The following GLP2R variants were observed in gnomAD, a reference collection of about 807,000 sequenced individuals.
GLP2R encodes the protein glucagon like peptide 2 receptor.
In GLP2R, 59 loss-of-function variants were observed where a neutral mutation model predicts 68.2. The ratio of observed to expected loss-of-function variants is 0.87; its 90% CI spans 0.70 to 1.07. The LOEUF is 1.07. Ranked by LOEUF, GLP2R falls within the 50% of genes least tolerant of loss-of-function variation. The pLI is 0.00. For missense variants in GLP2R, 548 were observed against 677.4 expected, an observed-to-expected ratio of 0.81 and a Z score of 2.12; for synonymous variants, 270 against 265.4, an observed-to-expected ratio of 1.02 and a Z score of -0.17.
At chr17:9,864,563 C>G (rs912229519) in intron 9 of GLP2R, among the ~76,000 whole-genome samples, 1 of 151,956 alleles carries the variant, frequency 6.6e-6, no homozygotes, top group Non-Finnish European at 1.5e-5. Context: ...TGCTTTGTCA[C>G]CCAGGCTGGA....
chr17:9,880,860 TTGTC>T (rs1391346774), intron 11 of GLP2R, among the ~76,000 whole-genome samples: 1 of 152,210 alleles, frequency 6.6e-6, no homozygotes, highest in Non-Finnish European at 1.5e-5. Flanking sequence ...AAAGTAAACA[TTGTC>T]TGTGCTTCAG....
intron 10 of GLP2R, among the ~76,000 whole-genome samples, chr17:9,879,259 A>AATAAT: frequency 2.8e-5 from 1 of 35,504 alleles, no homozygotes; most frequent in South Asian, 8.4e-4. Flanking sequence ...CTCTCTATAA[A>AATAAT]ATAAAATAAA....
In GLP2R at chr17:9,826,122, G is replaced by T; in HGVS notation, c.59G>T (p.Gly20Val). The change falls in exon 1 of 13, where the codon GGC (glycine) becomes GTC (valine). Residue 20 changes from glycine (G) to valine (V), a missense_variant. Physicochemically the swap from Gly to Val is moderately radical, Grantham distance 109. Coordinates refer to ENST00000262441, the MANE Select transcript of GLP2R (RefSeq NM_004246.3). ...PGRGSAGLLP[G>V]VHELPMGIPA... ...AGAGGAAGCGCGGGACTCCTGCCTGGCGTCCACGAGCTGCCCATGGGCATC... is the reference window on the plus strand; with the variant it reads ...AGAGGAAGCGCGGGACTCCTGCCTGTCGTCCACGAGCTGCCCATGGGCATC... 1 of 1,612,720 alleles carries T rather than the reference G, an allele frequency of 6.2e-7. No individual in the cohort carries two copies. Among genetic ancestry groups the T allele is most frequent in the East Asian group, 2.2e-5 (1 of 44,840 alleles).
At chr17:9,881,293 GTTCCATGTGTT>G (rs143262771) in intron 11 of GLP2R, among the ~76,000 whole-genome samples, 8,114 of 149,512 alleles carry the variant, frequency 0.054, 760 homozygotes, top group African/African-American at 0.19. Flanking sequence ...TTCCTTAGGC[GTTCCATGTGTT>G]TTCTCCTTGT....
intron 3 of GLP2R, among the ~76,000 whole-genome samples, chr17:9,839,964 C>A (rs975578535): frequency 3.3e-5 from 5 of 149,886 alleles, no homozygotes; most frequent in African/African-American, 1.2e-4. Flanking sequence ...GACCTCTCCC[C>A]TCTGCCTTTC....
intron 9 of GLP2R, among the ~76,000 whole-genome samples, chr17:9,868,120 A>AAATG (rs1272165608): frequency 2.0e-5 from 3 of 152,184 alleles, no homozygotes; most frequent in African/African-American, 2.4e-5. Flanking sequence ...ATTGTTGCAA[A>AAATG]AATGAATGAA....
At chr17:9,873,556 CTTTTTTTTTTTTT>C (rs3073988) in intron 10 of GLP2R, among the ~76,000 whole-genome samples, 8 of 52,076 alleles carry the variant, frequency 1.5e-4, no homozygotes, top group Admixed American at 2.5e-4. Flanking sequence ...TATGCATGGA[CTTTTTTTTTTTTT>C]TTTTTTTTTT....
At chr17:9,871,728 T>TTTTTTC (rs1567733915) in intron 10 of GLP2R, among the ~76,000 whole-genome samples, 2 of 144,022 alleles carry the variant, frequency 1.4e-5, no homozygotes, top group African/African-American at 5.1e-5. Context: ...TTTCTTTTTT[T>TTTTTTC]TTTTTTTTTT....
At chr17:9,831,202 C>T (rs1247192611) in intron 1 of GLP2R, among the ~76,000 whole-genome samples, 1 of 152,134 alleles carries the variant, frequency 6.6e-6, no homozygotes, top group African/African-American at 2.4e-5. Flanking sequence ...CTTGTTGCCC[C>T]TTGTGAGAAG....
chr17:9,828,447 T>A (rs139328125), intron 1 of GLP2R, among the ~76,000 whole-genome samples: 46 of 152,330 alleles, frequency 3.0e-4, no homozygotes, highest in African/African-American at 1.1e-3. Flanking sequence ...TATCATGTAG[T>A]TTTGTTCACA....
At chr17:9,871,085 A>G (rs939780414) in intron 10 of GLP2R, among the ~76,000 whole-genome samples, 12 of 152,152 alleles carry the variant, frequency 7.9e-5, no homozygotes, top group Non-Finnish European at 1.6e-4. Flanking sequence ...TGCCCCTAAG[A>G]GGGCAGGAGT....
chr17:9,884,143 G>A (rs1326000192), intron 11 of GLP2R, among the ~76,000 whole-genome samples: 1 of 152,128 alleles, frequency 6.6e-6, no homozygotes, highest in Non-Finnish European at 1.5e-5. Flanking sequence ...ATTTTACCAG[G>A]CTTAAGTTAG....
chr17:9,835,011 G>A (rs1030223510), intron 2 of GLP2R, among the ~76,000 whole-genome samples: 2 of 148,198 alleles, frequency 1.3e-5, no homozygotes, highest in Non-Finnish European at 3.0e-5. Flanking sequence ...AGATTTCAAT[G>A]CCAGAAACCT....
Position 9,847,055 on chromosome 17 carries a change from C to T in GLP2R, c.504+4439C>T, listed in dbSNP as rs1280722907. 2.0e-5 allele frequency among the ~76,000 whole-genome samples: 3 copies of T among 152,198 alleles called. 1 individual carries two copies. Among genetic ancestry groups the T allele is most frequent in the African/African-American group, 7.2e-5 (3 of 41,442 alleles). ...CCAATTTTGGTGGCATTAATGCCCC[C>T]CATGGCCAATTTCAAGCTACCAGTG... On this transcript the variant is annotated intron_variant, in intron 4 of 12. Coordinates refer to ENST00000262441, the MANE Select transcript of GLP2R (RefSeq NM_004246.3).
At chr17:9,871,550 CTTG>C (rs1296682773) in intron 10 of GLP2R, among the ~76,000 whole-genome samples, 6 of 152,168 alleles carry the variant, frequency 3.9e-5, no homozygotes, top group Non-Finnish European at 4.4e-5. Flanking sequence ...TTAATTGTGA[CTTG>C]TTGTCGCTGC....
chr17:9,867,009 C>A (rs373465648), intron 9 of GLP2R: 5 of 152,126 alleles, frequency 3.3e-5, no homozygotes, highest in East Asian at 3.8e-4. Flanking sequence ...AATAATAATT[C>A]TTTGGCCCCC....
At chr17:9,864,906 G>A (rs1164739670) in intron 9 of GLP2R, among the ~76,000 whole-genome samples, 1 of 152,150 alleles carries the variant, frequency 6.6e-6, no homozygotes, top group Non-Finnish European at 1.5e-5. Flanking sequence ...TTCTATGGCT[G>A]GCTGACCCGC....
intron 12 of GLP2R, among the ~76,000 whole-genome samples, chr17:9,888,760 C>G (rs757367441): frequency 1.2e-4 from 18 of 152,222 alleles, no homozygotes; most frequent in African/African-American, 4.1e-4. Context: ...AACCATGAAG[C>G]CTGGCCTATT....
At chr17:9,880,807 A>G (rs1290197463) in intron 11 of GLP2R, among the ~76,000 whole-genome samples, 1 of 152,202 alleles carries the variant, frequency 6.6e-6, no homozygotes, top group African/African-American at 2.4e-5. Context: ...GAAGCCTTTT[A>G]TTAAGTGCCT....
Sources: allele counts gnomAD v4.1 joint callset (sites outside exome capture counted in the v4.1 genomes callset), GRCh38; gene constraint gnomAD v4.1.1; transcripts MANE v1.5; gene names NCBI Gene and HGNC (gene_info 2026-07-23, HGNC 2026-07-21).